ACADL: variants seen among roughly 807,000 people sequenced by gnomAD.
ACADL encodes the protein acyl-CoA dehydrogenase long chain.
Under a neutral mutation model 56.9 loss-of-function variants are expected in ACADL, and 60 were observed. The ratio of observed to expected loss-of-function variants is 1.05; its 90% CI spans 0.86 to 1.31. The LOEUF is 1.31. ACADL is among the 50% of genes most tolerant of loss of function. The pLI is 0.00. For missense variants in ACADL, 484 were observed against 525.5 expected, an observed-to-expected ratio of 0.92 and a Z score of 0.77; for synonymous variants, 158 against 179.7, an observed-to-expected ratio of 0.88 and a Z score of 0.97.
At position 210,205,655 on chromosome 2, in the gene ACADL, G is replaced by A. The variant is rs755947708; in HGVS notation, c.745C>T (p.His249Tyr). ...ACCTGGGCTTTTAATCCCATTTTAT[G>A]TAGCTTTCGTCCCTTGATAAATCCT... The part of the protein sequence containing the change: ...MKGFIKGRKL[H>Y]KMGLKAQDTA... Residue 249 changes from histidine (H) to tyrosine (Y), a missense_variant, in exon 6 of 11, where the codon CAT becomes TAT. His to Tyr is a moderately conservative substitution (Grantham distance 83). Transcript: ENST00000233710. The A allele has an allele frequency of 1.2e-6, 2 of 1,613,850 alleles. No individual in the cohort carries two copies. The highest frequency in any genetic ancestry group is 1.1e-5 in the South Asian group (1 of 91,070).
Position 210,220,711 on chromosome 2 carries a change from G to A in ACADL, c.169C>T (p.His57Tyr). The change falls in exon 2 of 11, where the codon CAT becomes TAT. Residue 57 changes from histidine to tyrosine, a missense_variant. His to Tyr is a moderately conservative substitution (Grantham distance 83). Coordinates refer to ENST00000233710, the MANE Select transcript of ACADL (RefSeq NM_001608.4). ...IGIRRIFSPEHDIFRKSVRKF... is the reference protein window; with the variant it reads ...IGIRRIFSPEYDIFRKSVRKF... ...CTTACACTTTTCCGGAAAATGTCAT[G>A]CTCTGGAGAAAAGATTCTTCGAATT... The A allele has an allele frequency of 1.2e-5, 19 of 1,613,430 alleles. No individual in the cohort carries two copies. The highest frequency in any genetic ancestry group is 1.6e-5 in the Non-Finnish European group (19 of 1,179,690).
At chr2:210,214,487 G>GAAAGAAAGAAAGAAAGAA (rs1402087673) in intron 4 of ACADL, among the ~76,000 whole-genome samples, 1 of 149,340 alleles carries the variant, frequency 6.7e-6, no homozygotes, top group East Asian at 1.9e-4. Context: ...AAGAAAGAAA[G>GAAAGAAAGAAAGAAAGAA]AAAGAAAGAA....
rs557737101 is a variant in ACADL, at chr2:210,225,171, C to T, written c.77+16G>A. 4.6e-6 allele frequency: 7 copies of T among 1,529,682 alleles called. No homozygotes were observed. The highest frequency in any genetic ancestry group is 2.5e-5 in the East Asian group (1 of 40,242). The allele number at this position is 1,529,682 out of a possible 1,614,324, so 94.8% of individuals were successfully genotyped here. The stretch of plus-strand genomic sequence containing the variant: ...CCTCCCGGCCTGCAGCCGCGGAAGT[C>T]CCGGCTGGCACTCACCGCGCGGCGG... On this transcript the variant is annotated intron_variant, in intron 1 of 10. Transcript: ENST00000233710.
chr2:210,189,891 G>C (rs1157859079), intron 10 of ACADL, among the ~76,000 whole-genome samples: 1 of 152,136 alleles, frequency 6.6e-6, no homozygotes, highest in Admixed American at 6.6e-5. Context: ...CACATCATTG[G>C]CAGACTGGAA....
chr2:210,200,559 C>G (rs1688775676), intron 8 of ACADL, among the ~76,000 whole-genome samples: 1 of 152,112 alleles, frequency 6.6e-6, no homozygotes, highest in Admixed American at 6.6e-5. Context: ...GTATAACATC[C>G]TTGCTCTTAA....
At position 210,212,135 on chromosome 2, in the gene ACADL, A is replaced by AT. The variant is rs201509622; in HGVS notation, c.537-1874dup. 8.1e-3 allele frequency among the ~76,000 whole-genome samples: 1,180 copies of AT among 145,716 alleles called. 14 individuals carry two copies. Among genetic ancestry groups the AT allele is most frequent in the African/African-American group, 0.019 (756 of 39,496 alleles). On this transcript the variant is annotated intron_variant, in intron 4 of 10. Coordinates refer to ENST00000233710, the MANE Select transcript of ACADL (RefSeq NM_001608.4). ...GGCGTGAGCCACCGCACCTGGTTGC[A>AT]TTTTTTTTTTTTTTAAATCACTCTC... is the stretch of plus-strand genomic sequence containing the variant.
chr2:210,207,672 T>C (rs1359170101), intron 5 of ACADL, among the ~76,000 whole-genome samples: 2 of 152,140 alleles, frequency 1.3e-5, no homozygotes, highest in African/African-American at 2.4e-5. Context: ...AGTAGGGGTA[T>C]AAAATGATGT....
intron 2 of ACADL, among the ~76,000 whole-genome samples, chr2:210,219,741 G>A (rs969419042): frequency 3.3e-5 from 5 of 151,946 alleles, no homozygotes; most frequent in Admixed American, 6.6e-5. Flanking sequence ...ACATTCAGTC[G>A]AAAACATGCT....
In ACADL at chr2:210,220,652, G is replaced by A. The variant is rs764025201; in HGVS notation, c.228C>T (p.His76=). 2.5e-6 allele frequency: 4 copies of A among 1,613,034 alleles called. No homozygotes were observed. The highest frequency in any genetic ancestry group is 3.4e-6 in the Non-Finnish European group (4 of 1,179,496). Reference sequence around the variant, plus strand: ...GAGGAAAATGTGCCACTTACTCTGAGTGATGAGGAATCACTTCTTCTTGGA... The same window carrying A: ...GAGGAAAATGTGCCACTTACTCTGAATGATGAGGAATCACTTCTTCTTGGA... ...KFFQEEVIPH[H]SEWEKAGEVS... The change falls in exon 2 of 11, where the codon CAC becomes CAT. Residue 76 remains histidine (H), a synonymous_variant. Transcript: ENST00000233710.
At chr2:210,200,496 G>A (rs1214097816) in intron 8 of ACADL, among the ~76,000 whole-genome samples, 1 of 152,088 alleles carries the variant, frequency 6.6e-6, no homozygotes, top group Non-Finnish European at 1.5e-5. Flanking sequence ...GGCATTCACT[G>A]AGAACCTCTG....
chr2:210,203,436 C>T lies in ACADL; in HGVS notation c.879G>A (p.Leu293=). Residue 293 remains leucine, a synonymous_variant, in exon 8 of 11, where the codon CTG becomes CTA. Coordinates refer to ENST00000233710, the MANE Select transcript of ACADL (RefSeq NM_001608.4). ...YIMKELPQER[L]LIADVAISAS... is the part of the protein sequence containing the mutation. ...CTGAAATTGCCACATCAGCAATTAA[C>T]AGCCTTTCCTATAACACAAAAATTA... The T allele has an allele frequency of 6.2e-7, 1 of 1,611,210 alleles. No individual in the cohort carries two copies. The highest frequency in any genetic ancestry group is 8.5e-7 in the Non-Finnish European group (1 of 1,178,024).
At chr2:210,209,720 C>G (rs1324749736) in intron 5 of ACADL, 1 of 155,802 alleles carries the variant, frequency 6.4e-6, no homozygotes. Context: ...CTAGGTTGGT[C>G]TCAAACTTCT....
intron 10 of ACADL, among the ~76,000 whole-genome samples, chr2:210,190,708 A>G (rs1559631710): frequency 6.6e-6 from 1 of 152,040 alleles, no homozygotes; most frequent in Non-Finnish European, 1.5e-5. Flanking sequence ...AAAGAAGACA[A>G]AAACAAAAAA....
intron 8 of ACADL, among the ~76,000 whole-genome samples, chr2:210,196,312 A>C (rs1688710203): frequency 2.0e-5 from 3 of 151,466 alleles, no homozygotes; most frequent in South Asian, 4.2e-4. Flanking sequence ...TCTTCATAGC[A>C]GTATGAAAAT....
At chr2:210,207,021 A>G (rs1481841070) in intron 5 of ACADL, among the ~76,000 whole-genome samples, 1 of 152,256 alleles carries the variant, frequency 6.6e-6, no homozygotes, top group East Asian at 1.9e-4. Flanking sequence ...CCCTATCTCA[A>G]TGAATGCTTC....
Position 210,220,822 on chromosome 2 carries a change from A to C in ACADL, c.78-20T>G. The C allele has an allele frequency of 1.3e-6, 2 of 1,561,090 alleles. No homozygotes were observed. Among genetic ancestry groups the C allele is most frequent in the Non-Finnish European group, 8.7e-7 (1 of 1,146,584 alleles). On this transcript the variant is annotated intron_variant, in intron 1 of 10. Coordinates refer to ENST00000233710, the MANE Select transcript of ACADL (RefSeq NM_001608.4). The stretch of plus-strand genomic sequence containing the variant: ...GAACATCTTAAAAATATATATATGC[A>C]ATAGGAAAAGTAAGTGAATTGTTAC...
chr2:210,193,095 C>A (rs988291853), intron 9 of ACADL, among the ~76,000 whole-genome samples: 1 of 152,048 alleles, frequency 6.6e-6, no homozygotes, highest in African/African-American at 2.4e-5. Context: ...GTACCTTTTT[C>A]ATTAATTATA....
rs1689257067 is a variant in ACADL at position 210,225,408 on chromosome 2, G to A, written c.-145C>T. On this transcript the variant is annotated 5_prime_UTR_variant, in exon 1 of 11. Transcript: ENST00000233710. Reference sequence around the variant, plus strand: ...AAAAAGCGCTCGCGCGCGCCCTTCCGGAGCCCCAACCACGCCACAGGCTGG... The same window carrying A: ...AAAAAGCGCTCGCGCGCGCCCTTCCAGAGCCCCAACCACGCCACAGGCTGG... 18 of 882,368 alleles carry A rather than the reference G, an allele frequency of 2.0e-5. No homozygotes were observed. The South Asian group carries it at 2.5e-4, about 12-fold the overall frequency. The allele number at this position is 882,368 out of a possible 1,614,324, so 54.7% of individuals were successfully genotyped here.
chr2:210,189,895 A>C (rs1370587392), intron 10 of ACADL, among the ~76,000 whole-genome samples: 1 of 152,162 alleles, frequency 6.6e-6, no homozygotes, highest in Non-Finnish European at 1.5e-5. Context: ...TCATTGGCAG[A>C]CTGGAATGAG....
Sources: gnomAD v4.1 joint callset for allele counts (sites outside exome capture counted in the v4.1 genomes callset) on GRCh38, gnomAD v4.1.1 for gene constraint, MANE v1.5 for transcripts, NCBI Gene and HGNC (gene_info 2026-07-23, HGNC 2026-07-21) for gene names.